VPS13C: variants seen among roughly 807,000 people sequenced by gnomAD.
VPS13C encodes vacuolar protein sorting 13 homolog C, also known as intermembrane lipid transfer protein VPS13C.
In VPS13C, 358 loss-of-function variants were observed where a neutral mutation model predicts 456.8. That is an observed-to-expected ratio of 0.78 (90% CI 0.72 to 0.86). The LOEUF (loss-of-function observed/expected upper bound fraction) is 0.86, where lower values mean the gene tolerates loss of function less well. Among genes scored for constraint, VPS13C ranks in the 40% least tolerant of loss-of-function variants. The pLI is 0.00. For synonymous variants in VPS13C, 1,578 were observed against 1,486.7 expected (o/e 1.06, Z -1.41); for missense variants, 4,818 against 4,385.4 (o/e 1.10, Z -2.79).
intron 18 of VPS13C, among the ~76,000 whole-genome samples, chr15:61,987,452 T>C (rs1364323670): frequency 6.6e-6 from 1 of 152,156 alleles, no homozygotes; most frequent in African/African-American, 2.4e-5. Flanking sequence ...AGAGAGCTTG[T>C]GCAGGGGAAC....
chr15:62,048,345 C>T (rs1358414940), intron 1 of VPS13C, among the ~76,000 whole-genome samples: 1 of 140,556 alleles, frequency 7.1e-6, no homozygotes, highest in Non-Finnish European at 1.5e-5. Context: ...TGAGTGAGAA[C>T]ATGTGGTGTT....
intron 12 of VPS13C, 33 bp downstream of exon 12, chr15:62,012,074 T>A: frequency 7.9e-7 from 1 of 1,263,988 alleles, no homozygotes; most frequent in Non-Finnish European, 1.1e-6. Flanking sequence ...TGTTTCTTCC[T>A]ATAACATGAA....
At chr15:61,866,347 A>C (rs755561193) in intron 81 of VPS13C, 213 of 983,494 alleles carry the variant, frequency 2.2e-4, no homozygotes, top group Non-Finnish European at 2.5e-4. Context: ...AATAATTAAA[A>C]GTTTCTTGAA....
At chr15:61,939,624 A>G (rs922309989) in intron 47 of VPS13C, among the ~76,000 whole-genome samples, 5 of 152,296 alleles carry the variant, frequency 3.3e-5, no homozygotes, top group Admixed American at 2.0e-4. Flanking sequence ...CAGGATTCCT[A>G]TACTTCCACG....
intron 18 of VPS13C, among the ~76,000 whole-genome samples, chr15:61,988,629 T>C (rs1296717649): frequency 6.6e-6 from 1 of 152,108 alleles, no homozygotes; most frequent in Non-Finnish European, 1.5e-5. Context: ...GGACCAAGAA[T>C]AGAAAAGGTA....
chr15:61,894,235 G>A (rs2042736182), intron 66 of VPS13C, among the ~76,000 whole-genome samples: 1 of 151,952 alleles, frequency 6.6e-6, no homozygotes, highest in South Asian at 2.1e-4. Context: ...TTGAACCAAG[G>A]AGGTGGAGGT....
rs768092345 is a variant in VPS13C at position 62,000,630 on chromosome 15, TA to T, written c.1291-5del. The T allele has an allele frequency of 3.8e-6, 6 of 1,593,608 alleles. No individual in the cohort carries two copies. The highest frequency in any genetic ancestry group is 1.4e-5 in the African/African-American group (1 of 73,600). On this transcript the variant is annotated splice_polypyrimidine_tract_variant and splice_region_variant and intron_variant, in intron 15 of 84. Transcript: ENST00000644861. The stretch of plus-strand genomic sequence containing the variant: ...CATCTAGAGTCTTCTCCAAGTCCTG[TA>T]AAAAACAGAGGCACTTATAAACAAG...
At chr15:61,903,173 C>A (rs560186541) in intron 66 of VPS13C, among the ~76,000 whole-genome samples, 1 of 151,322 alleles carries the variant, frequency 6.6e-6, no homozygotes, top group Non-Finnish European at 1.5e-5. Context: ...AGAAAAAAAA[C>A]AAAAACAAAA....
At chr15:61,975,820 T>C (rs1475880274) in intron 24 of VPS13C, among the ~76,000 whole-genome samples, 3 of 151,974 alleles carry the variant, frequency 2.0e-5, no homozygotes, top group East Asian at 3.9e-4. Context: ...CTAACACAAA[T>C]ATAAAACTTT....
At chr15:61,995,634 T>C (rs1567085817) in intron 16 of VPS13C, among the ~76,000 whole-genome samples, 1 of 152,202 alleles carries the variant, frequency 6.6e-6, no homozygotes, top group African/African-American at 2.4e-5. Context: ...GAAGATGATA[T>C]TTAGAAGCTG....
chr15:62,007,129 GTTT>G (rs1163803965), intron 15 of VPS13C, among the ~76,000 whole-genome samples, 176 bp downstream of exon 15: 4 of 151,522 alleles, frequency 2.6e-5, no homozygotes, highest in Non-Finnish European at 4.4e-5. Context: ...GGGAAAAAAA[GTTT>G]TTTTAAAGAA....
At chr15:61,889,293 A>G (rs1356412912) in intron 67 of VPS13C, among the ~76,000 whole-genome samples, 1 of 152,124 alleles carries the variant, frequency 6.6e-6, no homozygotes, top group African/African-American at 2.4e-5. Flanking sequence ...TCAAATATAT[A>G]ACAAAGAATG....
rs746598475 is a variant in VPS13C at position 61,964,829 on chromosome 15, T to G, written c.3084A>C (p.Gln1028His). The change falls in exon 31 of 85, where the codon CAA becomes CAC. Residue 1028 changes from glutamine to histidine, a missense_variant. Gln to His is a conservative substitution (Grantham distance 24, BLOSUM62 0). Transcript: ENST00000644861. ...TAATAGAAGCGACAAGAGCTTGTGT[T>G]TGCAGCAACAGATTTAAAGATGAAA... is the stretch of plus-strand genomic sequence containing the variant. ...VAFSSLNLLLQTQALVASINY... is the reference protein window; with the variant it reads ...VAFSSLNLLLHTQALVASINY... The G allele has an allele frequency of 6.2e-7, 1 of 1,601,206 alleles. No homozygotes were observed. Among genetic ancestry groups the G allele is most frequent in the Admixed American group, 1.8e-5 (1 of 56,474 alleles).
chr15:61,947,864 T>C (rs1002381449), intron 42 of VPS13C, among the ~76,000 whole-genome samples: 4 of 152,064 alleles, frequency 2.6e-5, no homozygotes, highest in Non-Finnish European at 4.4e-5. Flanking sequence ...AGGGCCAACT[T>C]AAAAAATACC....
intron 82 of VPS13C, among the ~76,000 whole-genome samples, chr15:61,859,836 GTTTTT>G (rs376642371): frequency 6.8e-6 from 1 of 146,454 alleles, no homozygotes; most frequent in Non-Finnish European, 1.5e-5. Context: ...TATGTTGATG[GTTTTT>G]TTTTTTAAAG....
chr15:61,867,769 T>A lies in VPS13C; in HGVS notation c.10863+890A>T. ...ACCAGGAATACCACAAGTTTTTATTTGTAGTCAATCCCACTACTATGAAAA... is the reference window on the plus strand; with the variant it reads ...ACCAGGAATACCACAAGTTTTTATTAGTAGTCAATCCCACTACTATGAAAA... On this transcript the variant is annotated intron_variant, in intron 81 of 84. Transcript: ENST00000644861. The surrounding 1 kb of genome is among the most constrained non-coding windows in gnomAD (Gnocchi z 5.0). The A allele has an allele frequency of 6.7e-7, 1 of 1,482,986 alleles. No individual in the cohort carries two copies. The highest frequency in any genetic ancestry group is 1.4e-5 in the South Asian group (1 of 73,408). 91.9% of individuals were successfully genotyped at this position (1,482,986 alleles called of 1,614,324 possible).
At position 61,927,283 on chromosome 15, in the gene VPS13C, C is replaced by A. The variant is rs1055711644; in HGVS notation, c.6324G>T (p.Met2108Ile). The A allele has an allele frequency of 3.1e-6, 5 of 1,614,032 alleles. No individual in the cohort carries two copies. In the Admixed American group the frequency reaches 8.3e-5, roughly 27 times the overall value. Residue 2108 changes from methionine to isoleucine, a missense_variant, in exon 52 of 85, where the codon ATG (methionine) becomes ATT (isoleucine). By Grantham distance (10) the Met-to-Ile change is conservative. Transcript: ENST00000644861. ...CAAATACCACTTCTGGATCTGTGATCATGGCCTTTAAAGTCATATTTGGTC... is the reference window on the plus strand; with the variant it reads ...CAAATACCACTTCTGGATCTGTGATAATGGCCTTTAAAGTCATATTTGGTC... The part of the protein sequence containing the change: ...SVRPNMTLKA[M>I]ITDPEVVFVA...
At chr15:61,979,026 T>A (rs2045794460) in intron 22 of VPS13C, among the ~76,000 whole-genome samples, 1 of 152,294 alleles carries the variant, frequency 6.6e-6, no homozygotes, top group Admixed American at 6.5e-5. Flanking sequence ...GTACAACTCC[T>A]CCTCTTCCTG....
rs1284777608 is a variant in VPS13C, at chr15:61,867,121, TAAAG to T, written c.10863+1534_10863+1537del. ...AAAGCAAAAGGTTGGTTTTTGAAAA[TAAAG>T]AAATCTATGTATTCAAGTGCCACAC... On this transcript the variant is annotated intron_variant, in intron 81 of 84. Transcript: ENST00000644861. This position sits in a 1 kb window ranked among gnomAD's most constrained non-coding sequence, Gnocchi z 5.0. The T allele has an allele frequency of 1.0e-5, 10 of 979,990 alleles. No individual in the cohort carries two copies. Among genetic ancestry groups the T allele is most frequent in the Non-Finnish European group, 1.1e-5 (9 of 825,130 alleles). 60.7% of individuals were successfully genotyped at this position (979,990 alleles called of 1,614,324 possible). A position where few individuals can be genotyped will look rare whatever the true frequency, so the allele number is the denominator to read the frequency against.
Sources: allele counts gnomAD v4.1 joint callset (sites outside exome capture counted in the v4.1 genomes callset), GRCh38; gene constraint gnomAD v4.1.1; non-coding constraint Gnocchi (gnomAD v3.1); transcripts MANE v1.5; gene names NCBI Gene and HGNC (gene_info 2026-07-23, HGNC 2026-07-21).